The following LPIN1 variants were observed in gnomAD, a reference collection of about 807,000 sequenced individuals.
The protein encoded by LPIN1 is phosphatidate phosphatase LPIN1.
A neutral mutation model predicts 107.5 loss-of-function variants in LPIN1; 71 were observed. That is an observed-to-expected ratio of 0.66 (90% CI 0.55 to 0.80). The LOEUF (loss-of-function observed/expected upper bound fraction) is 0.80. Among genes scored for constraint, LPIN1 ranks in the 30% least tolerant of loss-of-function variants. LPIN1 has a pLI of 0.00. For synonymous variants in LPIN1, 445 were observed against 452.6 expected, an observed-to-expected ratio of 0.98 and a Z score of 0.21; for missense variants, 1,043 against 1,160.6, an observed-to-expected ratio of 0.90 and a Z score of 1.47.
At chr2:11,758,980 C>A (rs1204491676) in intron 1 of LPIN1, among the ~76,000 whole-genome samples, 1 of 152,222 alleles carries the variant, frequency 6.6e-6, no homozygotes, top group South Asian at 2.1e-4. Context: ...TTGCTAAGAA[C>A]TAAGGAGTGG....
chr2:11,690,893 A>G (rs1419407020), intron 1 of LPIN1, among the ~76,000 whole-genome samples: 1 of 151,996 alleles, frequency 6.6e-6, no homozygotes. Flanking sequence ...ATCTGTGTCT[A>G]TATGTATCTC....
intron 17 of LPIN1, among the ~76,000 whole-genome samples, chr2:11,809,225 A>G (rs888447394): frequency 6.6e-6 from 1 of 152,126 alleles, no homozygotes; most frequent in Non-Finnish European, 1.5e-5. Context: ...AATTTGGGCA[A>G]TAATTGTTTG....
intron 17 of LPIN1, among the ~76,000 whole-genome samples, chr2:11,812,807 C>T (rs1679906076): frequency 6.6e-6 from 1 of 152,228 alleles, no homozygotes; most frequent in South Asian, 2.1e-4. Flanking sequence ...TTTCTTAGAG[C>T]ACCACGTGGA....
chr2:11,746,601 C>G (rs1666953416), upstream of LPIN1: 2 of 984,456 alleles, frequency 2.0e-6, no homozygotes, highest in South Asian at 9.4e-5. Context: ...CCCCCGAAGG[C>G]GAGCTGCGCT....
At chr2:11,736,198 C>T (rs969926828) in intron 1 of LPIN1, among the ~76,000 whole-genome samples, 1 of 152,190 alleles carries the variant, frequency 6.6e-6, no homozygotes, top group African/African-American at 2.4e-5. Flanking sequence ...CTTTAGGATG[C>T]GAGCATCTTT....
intron 11 of LPIN1, 38 bp from the exon 12 acceptor site, chr2:11,788,349 C>G (rs1418541485): frequency 2.0e-6 from 3 of 1,517,962 alleles, no homozygotes; most frequent in Non-Finnish European, 2.7e-6. Flanking sequence ...CAGTCTGAGC[C>G]TCGGTTTTTT....
chr2:11,748,349 G>A (rs765126768), intron 1 of LPIN1, among the ~76,000 whole-genome samples: 3 of 152,214 alleles, frequency 2.0e-5, no homozygotes, highest in Non-Finnish European at 2.9e-5. Context: ...CGCCGAGGCC[G>A]GCACAGAGCA....
chr2:11,740,995 C>T, intron 1 of LPIN1: 1 of 171,210 alleles, frequency 5.8e-6, no homozygotes, highest in Admixed American at 6.2e-5. Context: ...AAATTTCTTC[C>T]CAGAGCAATC....
intron 12 of LPIN1, among the ~76,000 whole-genome samples, chr2:11,791,416 A>G (rs189356790): frequency 1.6e-3 from 249 of 152,366 alleles, no homozygotes; most frequent in African/African-American, 5.7e-3. Context: ...TCGAGATTTT[A>G]AATCAAATGT....
upstream of LPIN1, among the ~76,000 whole-genome samples, chr2:11,742,362 T>C (rs143446484): frequency 1.3e-5 from 2 of 152,316 alleles, no homozygotes; most frequent in African/African-American, 2.4e-5. Context: ...AAGGGGGGAC[T>C]CTTAAGGGTT....
chr2:11,773,515 A>G, intron 4 of LPIN1, 105 bp from the exon 5 acceptor site: 2 of 962,498 alleles, frequency 2.1e-6, no homozygotes, highest in Admixed American at 3.5e-5. Context: ...TAAAGAGATC[A>G]TGTTAATTAC....
chr2:11,723,731 T>C (rs770704110), upstream of LPIN1: 1 of 152,166 alleles, frequency 6.6e-6, no homozygotes, highest in Non-Finnish European at 1.5e-5. Context: ...GCTCCCAGGG[T>C]CACACCTGAG....
chr2:11,677,771 T>C, intron 1 of LPIN1: 1 of 1,470,066 alleles, frequency 6.8e-7, no homozygotes, highest in Non-Finnish European at 9.2e-7. Flanking sequence ...CAGCCCCTGC[T>C]CTTCCTCCTT....
In LPIN1 at chr2:11,782,389, AG is replaced by A; in HGVS notation, c.1147del (p.Asp383ThrfsTer5). The A allele has an allele frequency of 6.2e-7, 1 of 1,614,240 alleles. No homozygotes were observed. The highest frequency in any genetic ancestry group is 1.3e-5 in the African/African-American group (1 of 75,054). ...QTEMQFVNEE[D>X]LETLGAAAPL... is the part of the protein sequence containing the mutation. Reference sequence around the variant, plus strand: ...CAGAAATGCAGTTTGTGAATGAAGAAGACCTGGAGACCTTAGGAGCAGCAGC... The same window carrying A: ...CAGAAATGCAGTTTGTGAATGAAGAAACCTGGAGACCTTAGGAGCAGCAGC... On this transcript the variant is annotated frameshift_variant, in exon 8 of 21. Coordinates refer to ENST00000674199, the MANE Select transcript of LPIN1 (RefSeq NM_001349206.2). LOFTEE classifies it high-confidence loss of function.
chr2:11,824,297 T>G (rs570436686), intron 20 of LPIN1, among the ~76,000 whole-genome samples: 1 of 151,602 alleles, frequency 6.6e-6, no homozygotes, highest in East Asian at 2.0e-4. Flanking sequence ...CGATGTCCCA[T>G]ATGTGACCCC....
chr2:11,789,499 T>C (rs1435385665), intron 12 of LPIN1, among the ~76,000 whole-genome samples: 5 of 152,050 alleles, frequency 3.3e-5, no homozygotes, highest in Middle Eastern at 3.4e-3. Context: ...TGCACGTGTG[T>C]GCGCGTGTGC....
intron 1 of LPIN1, among the ~76,000 whole-genome samples, chr2:11,693,812 ATATATATATATTTTTTTTTTTTT>A (rs1386319506): frequency 3.2e-5 from 1 of 31,354 alleles, no homozygotes; most frequent in African/African-American, 8.1e-5. Flanking sequence ...ATATATATAT[ATATATATATATTTTTTTTTTTTT>A]TTTTTTTTTT....
At chr2:11,723,090 A>G (rs1052544939), upstream of LPIN1, among the ~76,000 whole-genome samples, 12 of 152,228 alleles carry the variant, frequency 7.9e-5, no homozygotes, top group Non-Finnish European at 1.6e-4. Flanking sequence ...TCCCTGTAAG[A>G]ATTTACCTTC....
chr2:11,780,868 G>A (rs1034674521), intron 7 of LPIN1, among the ~76,000 whole-genome samples: 6 of 152,200 alleles, frequency 3.9e-5, no homozygotes, highest in Non-Finnish European at 7.3e-5. Context: ...GTACATGCAC[G>A]CTGAGCCCCA....
Sources: gnomAD v4.1 joint callset for allele counts (sites outside exome capture counted in the v4.1 genomes callset) on GRCh38, gnomAD v4.1.1 for gene constraint, MANE v1.5 for transcripts, NCBI Gene and HGNC (gene_info 2026-07-23, HGNC 2026-07-21) for gene names.